Variants in KLF17 observed in about 807,000 individuals in gnomAD.
KLF17 encodes KLF transcription factor 17.
A neutral mutation model predicts 34.2 loss-of-function variants in KLF17; 31 were observed. The observed-to-expected ratio is 0.91, with a 90% CI of 0.68 to 1.22. The LOEUF is 1.22. Ranked by LOEUF, KLF17 falls within the 50% of genes most tolerant of loss-of-function variation. The pLI, the probability that KLF17 is intolerant of heterozygous loss-of-function variation, is 0.00. For missense variants in KLF17, 478 were observed against 505.2 expected, an observed-to-expected ratio of 0.95 and a Z score of 0.52; for synonymous variants, 179 against 186.7, an observed-to-expected ratio of 0.96 and a Z score of 0.34.
chr1:44,119,710 G>C (rs756622224), intron 1 of KLF17, among the ~76,000 whole-genome samples: 1 of 152,162 alleles, frequency 6.6e-6, no homozygotes, highest in Non-Finnish European at 1.5e-5. Context: ...CAGGCTGCAT[G>C]CTTCCTCTTA....
At position 44,122,722 on chromosome 1, in the gene KLF17, C is replaced by T. The variant is rs569409623; in HGVS notation, c.81+3734C>T. 4.4e-3 allele frequency among the ~76,000 whole-genome samples: 666 copies of T among 152,236 alleles called. 3 individuals carry two copies. The highest frequency in any genetic ancestry group is 0.015 in the African/African-American group (643 of 41,570). ...AAGCGATTCTCATGCCTCAGCCTCCCGAGTAGCTGGGATTACAGGCATGCA... is the reference window on the plus strand; with the variant it reads ...AAGCGATTCTCATGCCTCAGCCTCCTGAGTAGCTGGGATTACAGGCATGCA... On this transcript the variant is annotated intron_variant, in intron 1 of 3. Transcript: ENST00000372299.
chr1:44,073,496 A>G, the KLF17 span, among the ~76,000 whole-genome samples: 12,433 of 151,966 alleles, frequency 0.082, 508 homozygotes, highest in African/African-American at 0.1. Context: ...ATGAGCTACT[A>G]TGCCTGGCCC....
At chr1:44,104,234 C>G in the KLF17 span, 3 of 1,219,962 alleles carry the variant, frequency 2.5e-6, no homozygotes, top group African/African-American at 1.5e-5. Flanking sequence ...TGATCTCATC[C>G]TCGTACTTGT....
chr1:44,070,746 C>G, the KLF17 span, among the ~76,000 whole-genome samples: 1 of 151,634 alleles, frequency 6.6e-6, no homozygotes, highest in Non-Finnish European at 1.5e-5. Context: ...TACGGGATTA[C>G]CAAGTAGACA....
the KLF17 span, among the ~76,000 whole-genome samples, chr1:44,087,715 C>CTA: frequency 8.8e-6 from 1 of 114,168 alleles, no homozygotes; most frequent in Non-Finnish European, 1.8e-5. Context: ...GTGCCTCTTC[C>CTA]TATATATTTT....
the KLF17 span, among the ~76,000 whole-genome samples, chr1:44,059,222 G>A: frequency 6.6e-6 from 1 of 152,196 alleles, no homozygotes; most frequent in African/African-American, 2.4e-5. Flanking sequence ...ATGTGATGCT[G>A]TGGGTGGGAA....
the KLF17 span, chr1:44,105,630 T>A: frequency 1.3e-5 from 2 of 152,358 alleles, no homozygotes; most frequent in Middle Eastern, 3.4e-3. Context: ...TTTTCAAGTT[T>A]CCACACAATG....
At chr1:44,060,096 G>A in the KLF17 span, among the ~76,000 whole-genome samples, 2 of 152,142 alleles carry the variant, frequency 1.3e-5, no homozygotes, top group Admixed American at 1.3e-4. Context: ...GCCATGAGTG[G>A]GAAGAAGTCA....
chr1:44,066,389 CTTT>C, the KLF17 span, among the ~76,000 whole-genome samples: 4 of 128,066 alleles, frequency 3.1e-5, no homozygotes, highest in Non-Finnish European at 4.9e-5. Flanking sequence ...TAATACTTTC[CTTT>C]TTTTTTTTTT....
chr1:44,056,734 A>G, the KLF17 span, among the ~76,000 whole-genome samples: 2 of 152,190 alleles, frequency 1.3e-5, no homozygotes, highest in African/African-American at 2.4e-5. Flanking sequence ...TGGCAGCCAC[A>G]TGGCCAGGAT....
the KLF17 span, chr1:44,103,506 G>T: frequency 6.4e-6 from 7 of 1,101,250 alleles, no homozygotes; most frequent in Admixed American, 1.7e-5. Context: ...CGAGCTCAGC[G>T]CACCTGCATA....
chr1:44,065,333 C>T, the KLF17 span, among the ~76,000 whole-genome samples: 2 of 149,592 alleles, frequency 1.3e-5, no homozygotes, highest in Non-Finnish European at 3.0e-5. Context: ...TAATACAAGC[C>T]AGAATACTAG....
chr1:44,103,996 T>C, the KLF17 span: 1 of 856,158 alleles, frequency 1.2e-6, no homozygotes, highest in Non-Finnish European at 2.0e-6. Flanking sequence ...ACCTCAGCGA[T>C]GATGCTGTCC....
the KLF17 span, among the ~76,000 whole-genome samples, chr1:44,073,218 T>C: frequency 1.3e-5 from 2 of 150,946 alleles, no homozygotes; most frequent in African/African-American, 4.9e-5. Context: ...TCTTTTTTTT[T>C]TTTTTTGAGA....
chr1:44,103,496 C>T, the KLF17 span: 19 of 1,058,924 alleles, frequency 1.8e-5, no homozygotes, highest in Non-Finnish European at 2.5e-5. Context: ...CCCCATAGGC[C>T]GAGCTCAGCG....
At chr1:44,103,255 A>C in the KLF17 span, 2 of 684,418 alleles carry the variant, frequency 2.9e-6, no homozygotes, top group South Asian at 3.2e-5. Flanking sequence ...TCCCTCCCGG[A>C]CTCTGGGGCA....
the KLF17 span, among the ~76,000 whole-genome samples, chr1:44,069,656 CA>C: frequency 6.6e-6 from 1 of 152,188 alleles, no homozygotes; most frequent in African/African-American, 2.4e-5. This position sits in a 1 kb window ranked among gnomAD's most constrained non-coding sequence, Gnocchi z 4.7. Context: ...GCCCCACCTC[CA>C]ACACTGGGGA....
chr1:44,091,619 G>A, the KLF17 span, among the ~76,000 whole-genome samples: 453 of 124,542 alleles, frequency 3.6e-3, 2 homozygotes, highest in African/African-American at 0.014. Flanking sequence ...TCGTGCCACT[G>A]CATGAGACTC....
At chr1:44,074,329 A>C in the KLF17 span, among the ~76,000 whole-genome samples, 1 of 151,524 alleles carries the variant, frequency 6.6e-6, no homozygotes, top group Admixed American at 6.6e-5. Flanking sequence ...TGTCCCCATC[A>C]ACATCCCCTC....
Sources: allele counts gnomAD v4.1 joint callset (sites outside exome capture counted in the v4.1 genomes callset), GRCh38; gene constraint gnomAD v4.1.1; non-coding constraint Gnocchi (gnomAD v3.1); transcripts MANE v1.5; gene names NCBI Gene and HGNC (gene_info 2026-07-23, HGNC 2026-07-21).